ECHS1: variants seen among roughly 807,000 people sequenced by gnomAD.
The protein encoded by ECHS1 is enoyl-CoA hydratase, mitochondrial.
ECHS1 carries 19 observed loss-of-function variants against 33.5 expected under a neutral mutation model. The ratio of observed to expected loss-of-function variants is 0.57; its 90% CI spans 0.40 to 0.83. The LOEUF is 0.83. Among genes scored for constraint, ECHS1 ranks in the 40% least tolerant of loss-of-function variants. The pLI, the probability that ECHS1 is intolerant of heterozygous loss-of-function variation, is 0.00. For missense variants in ECHS1, 365 were observed against 381.3 expected (o/e 0.96, Z 0.36); for synonymous variants, 158 against 146.6 (o/e 1.08, Z -0.56).
intron 7 of ECHS1, among the ~76,000 whole-genome samples, chr10:133,363,947 A>G (rs1848998410): frequency 6.6e-6 from 1 of 151,430 alleles, no homozygotes; most frequent in South Asian, 2.1e-4. Flanking sequence ...GGGTAAAATG[A>G]GTTACATTTT....
intron 6 of ECHS1, 66 bp downstream of exon 6, chr10:133,365,910 T>C: frequency 6.3e-7 from 1 of 1,589,634 alleles, no homozygotes; most frequent in Admixed American, 1.7e-5. Context: ...CCAGAAAGCC[T>C]GCTGCTGAGG....
At position 133,369,814 on chromosome 10, in the gene ECHS1, C is replaced by A. The variant is rs533187428; in HGVS notation, c.414+90G>T. ...AGGCTGCTGGCCTGGGAACTAAAGG[C>A]CTCTTCAAAATAAAAATCTGTTATG... On this transcript the variant is annotated intron_variant, in intron 3 of 7. Coordinates refer to ENST00000368547, the MANE Select transcript of ECHS1 (RefSeq NM_004092.4). The A allele has an allele frequency of 6.5e-5, 99 of 1,516,444 alleles. No homozygotes were observed. The African/African-American group carries it at 1.3e-3, about 19-fold the overall frequency. 93.9% of individuals were successfully genotyped at this position (1,516,444 alleles called of 1,614,324 possible). A position where few individuals can be genotyped will look rare whatever the true frequency, so the allele number is the denominator to read the frequency against.
At chr10:133,364,401 T>C (rs926686491) in intron 7 of ECHS1, among the ~76,000 whole-genome samples, 13 of 151,972 alleles carry the variant, frequency 8.6e-5, no homozygotes, top group Non-Finnish European at 1.3e-4. Context: ...TGCTTGAGGG[T>C]GCAATTCACA....
intron 7 of ECHS1, 137 bp from the exon 8 acceptor site, chr10:133,363,070 C>T (rs923304267): frequency 1.1e-5 from 10 of 942,312 alleles, no homozygotes; most frequent in East Asian, 2.5e-5. Flanking sequence ...GGGGACTCAG[C>T]GGCAGGAACA....
intron 1 of ECHS1, among the ~76,000 whole-genome samples, chr10:133,372,623 C>T (rs1315751001): frequency 2.6e-5 from 4 of 151,826 alleles, no homozygotes; most frequent in South Asian, 2.1e-4. Flanking sequence ...ACCAGCCAGC[C>T]GCCGGGCCTC....
chr10:133,371,234 G>GCA (rs1361909626), intron 1 of ECHS1, among the ~76,000 whole-genome samples: 2 of 152,032 alleles, frequency 1.3e-5, no homozygotes, highest in East Asian at 1.9e-4. Flanking sequence ...CTGAGATCAT[G>GCA]CCACTGCACT....
chr10:133,369,970 G>C lies in ECHS1; in HGVS notation c.348C>G (p.Phe116Leu). The change falls in exon 3 of 8, where the codon TTC (phenylalanine) becomes TTG (leucine). Residue 116 changes from phenylalanine to leucine, a missense_variant. By Grantham distance (22) the Phe-to-Leu change is conservative. Coordinates refer to ENST00000368547, the MANE Select transcript of ECHS1 (RefSeq NM_004092.4). ...GGGTGAGGTGGTCCCAGTGCTTCAAGAACTTGCTGGAGTAACAGTCCTGGA... is the reference window on the plus strand; with the variant it reads ...GGGTGAGGTGGTCCCAGTGCTTCAACAACTTGCTGGAGTAACAGTCCTGGA... ...LSFQDCYSSK[F>L]LKHWDHLTQV... 6.2e-7 allele frequency: 1 copy of C among 1,613,950 alleles called. No homozygotes were observed. Among genetic ancestry groups the C allele is most frequent in the Non-Finnish European group, 8.5e-7 (1 of 1,180,002 alleles).
intron 6 of ECHS1, among the ~76,000 whole-genome samples, chr10:133,364,947 G>A (rs1475132705): frequency 6.6e-6 from 1 of 152,170 alleles, no homozygotes; most frequent in East Asian, 1.9e-4. Flanking sequence ...TCACACTCCG[G>A]TAGCCCACGG....
At chr10:133,363,108 G>A (rs908094886) in intron 7 of ECHS1, among the ~76,000 whole-genome samples, 175 bp from the exon 8 acceptor site, 2 of 152,218 alleles carry the variant, frequency 1.3e-5, no homozygotes, top group African/African-American at 4.8e-5. Flanking sequence ...GGGCCTGGGC[G>A]CGGGGATTTT....
At chr10:133,373,218 G>A in intron 1 of ECHS1, 28 bp downstream of exon 1, 1 of 1,404,502 alleles carries the variant, frequency 7.1e-7, no homozygotes, top group Non-Finnish European at 9.2e-7. Flanking sequence ...GAGGAGATTC[G>A]GGCCGCCAGC....
intron 4 of ECHS1, 109 bp downstream of exon 4, chr10:133,368,814 G>A (rs1849066684): frequency 2.0e-6 from 2 of 1,013,214 alleles, no homozygotes; most frequent in Non-Finnish European, 3.0e-6. Context: ...CAGCCATGGG[G>A]CTGTCCATCC....
In ECHS1 at chr10:133,366,033, T is replaced by C; in HGVS notation, c.682A>G (p.Lys228Glu). 6.2e-7 allele frequency: 1 copy of C among 1,614,034 alleles called. No homozygotes were observed. The highest frequency in any genetic ancestry group is 8.5e-7 in the Non-Finnish European group (1 of 1,180,026). Reference protein sequence around the residue: ...LVEEAIQCAEKIASNSKIVVA... With the variant: ...LVEEAIQCAEEIASNSKIVVA... ...ACAATTTTAGAATTGCTGGCAATTT[T>C]TTCTGCACACTGGATGGCTTCTTCC... Residue 228 changes from lysine (K) to glutamate (E), a missense_variant, in exon 6 of 8, where the codon AAA becomes GAA. Transcript: ENST00000368547.
intron 7 of ECHS1, among the ~76,000 whole-genome samples, chr10:133,364,312 C>A (rs1849002817): frequency 1.3e-5 from 2 of 152,080 alleles, no homozygotes; most frequent in Non-Finnish European, 2.9e-5. Context: ...CTCGAACGAC[C>A]CGCCTCAGCC....
At chr10:133,370,100 A>C in intron 2 of ECHS1, 69 bp from the exon 3 acceptor site, 1 of 1,586,372 alleles carries the variant, frequency 6.3e-7, no homozygotes. Flanking sequence ...TATCTCTCAG[A>C]CCAACAAGGA....
intron 4 of ECHS1, among the ~76,000 whole-genome samples, chr10:133,368,187 A>G (rs112772858): frequency 0.027 from 4,045 of 152,270 alleles, 168 homozygotes; most frequent in African/African-American, 0.091. Context: ...GATCAAGGTG[A>G]TGACTCTGTA....
intron 3 of ECHS1, among the ~76,000 whole-genome samples, chr10:133,369,539 A>T (rs1211213786): frequency 1.4e-3 from 1 of 714 alleles, no homozygotes; most frequent in Non-Finnish European, 0.5. Flanking sequence ...TCATGAAATG[A>T]TCACATTGCC....
intron 1 of ECHS1, among the ~76,000 whole-genome samples, chr10:133,372,455 T>A (rs1849121493): frequency 6.6e-6 from 1 of 152,078 alleles, no homozygotes; most frequent in Admixed American, 6.5e-5. Context: ...GTGGCCCTGG[T>A]CAGGAGGCAC....
chr10:133,364,521 T>C, intron 7 of ECHS1, 137 bp downstream of exon 7: 2 of 690,176 alleles, frequency 2.9e-6, no homozygotes, highest in Non-Finnish European at 5.1e-6. Flanking sequence ...ATGGAACCAA[T>C]CTGATCCCGT....
chr10:133,366,446 C>G (rs1849031652), intron 5 of ECHS1, among the ~76,000 whole-genome samples: 1 of 152,254 alleles, frequency 6.6e-6, no homozygotes, highest in African/African-American at 2.4e-5. Flanking sequence ...AATTGCTGGG[C>G]TGTTATTCTG....
Sources: allele counts gnomAD v4.1 joint callset (sites outside exome capture counted in the v4.1 genomes callset), GRCh38; gene constraint gnomAD v4.1.1; transcripts MANE v1.5; gene names NCBI Gene and HGNC (gene_info 2026-07-23, HGNC 2026-07-21).